Variants in POLH observed in about 807,000 individuals in gnomAD.
POLH encodes the protein DNA polymerase eta transcript.
In POLH, 53 loss-of-function variants were observed where a neutral mutation model predicts 73.6. The observed-to-expected ratio is 0.72, with a 90% CI of 0.58 to 0.91. POLH has a LOEUF of 0.91. POLH is among the 40% of genes least tolerant of loss of function. The probability of loss-of-function intolerance (pLI) is 0.00; values close to 1 mark genes in which losing one functional copy is unlikely to be tolerated. For synonymous variants in POLH, 292 were observed against 308.5 expected, an observed-to-expected ratio of 0.95 and a Z score of 0.56; for missense variants, 768 against 865.4, an observed-to-expected ratio of 0.89 and a Z score of 1.41.
In POLH at chr6:43,616,489, T is replaced by G. The variant is rs1768359780; in HGVS notation, c.*1932T>G. Among the ~76,000 whole-genome samples the G allele has an allele frequency of 6.6e-6, 1 of 150,612 alleles. No individual in the cohort carries two copies. The highest frequency in any genetic ancestry group is 2.5e-5 in the African/African-American group (1 of 40,784). On this transcript the variant is annotated 3_prime_UTR_variant, in exon 11 of 11. Coordinates refer to ENST00000372236, the MANE Select transcript of POLH (RefSeq NM_006502.3). The stretch of plus-strand genomic sequence containing the variant: ...CTGTAATCCCAGGTACTCGGGAGAC[T>G]GAGGCAGGAGAATTGCTTGAACCTG...
In POLH at chr6:43,618,211, A is replaced by C. The variant is rs1768472835; in HGVS notation, c.*3654A>C. Among the ~76,000 whole-genome samples the C allele has an allele frequency of 6.6e-6, 1 of 151,956 alleles. No homozygotes were observed. Among genetic ancestry groups the C allele is most frequent in the Non-Finnish European group, 1.5e-5 (1 of 67,996 alleles). On this transcript the variant is annotated 3_prime_UTR_variant, in exon 11 of 11. Coordinates refer to ENST00000372236, the MANE Select transcript of POLH (RefSeq NM_006502.3). ...TCGCTGTGTAGCCAGGCTGGAGTGC[A>C]GTGGTGCAATCTTGGCTCACTGCAA... is the stretch of plus-strand genomic sequence containing the variant.
chr6:43,591,515 C>T (rs758758871), intron 4 of POLH, among the ~76,000 whole-genome samples: 21 of 151,902 alleles, frequency 1.4e-4, no homozygotes, highest in Non-Finnish European at 2.1e-4. Flanking sequence ...GACGGGGTTT[C>T]GCCATGTTGG....
intron 9 of POLH, among the ~76,000 whole-genome samples, chr6:43,606,578 G>A (rs1185087909): frequency 2.0e-5 from 3 of 151,968 alleles, no homozygotes; most frequent in African/African-American, 7.2e-5. Flanking sequence ...ACAGGTACCT[G>A]CCACCATACC....
At position 43,582,358 on chromosome 6, in the gene POLH, C is replaced by T; in HGVS notation, c.39C>T (p.Asp13=). The part of the protein sequence containing the change: ...TGQDRVVALV[D]MDCFFVQVEQ... The stretch of plus-strand genomic sequence containing the variant: ...AGGATCGAGTGGTTGCTCTCGTGGA[C>T]ATGGACTGTTTTTTTGTTCAAGTGG... The change falls in exon 2 of 11, where the codon GAC becomes GAT. Residue 13 remains aspartate (D), a synonymous_variant. Coordinates refer to ENST00000372236, the MANE Select transcript of POLH (RefSeq NM_006502.3). The T allele has an allele frequency of 1.2e-6, 2 of 1,614,046 alleles. No individual in the cohort carries two copies. Among genetic ancestry groups the T allele is most frequent in the Middle Eastern group, 3.3e-4 (2 of 6,062 alleles).
chr6:43,609,335 A>G (rs1057399543), intron 9 of POLH, among the ~76,000 whole-genome samples: 17 of 152,356 alleles, frequency 1.1e-4, no homozygotes, highest in African/African-American at 4.1e-4. Context: ...ATTTTGGTCA[A>G]CAAGGACTCC....
intron 1 of POLH, among the ~76,000 whole-genome samples, chr6:43,576,842 T>G (rs1290835168): frequency 6.6e-6 from 1 of 152,136 alleles, no homozygotes; most frequent in Non-Finnish European, 1.5e-5. Flanking sequence ...GGGCAGAAAG[T>G]CTTCTTCATT....
At chr6:43,598,248 C>A (rs1380906394) in intron 5 of POLH, among the ~76,000 whole-genome samples, 1 of 149,964 alleles carries the variant, frequency 6.7e-6, no homozygotes, top group Non-Finnish European at 1.5e-5. Context: ...GAATGGATTT[C>A]TTTTAAAATT....
chr6:43,593,878 CAAAAAAAAAAAA>C (rs768129925), intron 4 of POLH, among the ~76,000 whole-genome samples: 2 of 85,186 alleles, frequency 2.3e-5, no homozygotes, highest in East Asian at 5.7e-4. Flanking sequence ...GACTCCGTCT[CAAAAAAAAAAAA>C]AAAAAAAAAG....
intron 5 of POLH, among the ~76,000 whole-genome samples, chr6:43,599,400 A>T (rs1338196275): frequency 6.6e-6 from 1 of 152,194 alleles, no homozygotes; most frequent in African/African-American, 2.4e-5. Flanking sequence ...ATACAATTTT[A>T]TTAATTTAGA....
At chr6:43,600,634 T>C (rs749304641) in intron 5 of POLH, among the ~76,000 whole-genome samples, 4 of 152,190 alleles carry the variant, frequency 2.6e-5, no homozygotes, top group Admixed American at 2.0e-4. Flanking sequence ...GGCATTTTTG[T>C]ATAGACATAC....
chr6:43,601,042 T>C lies in POLH; in HGVS notation c.715T>C (p.Ser239Pro), dbSNP rs751639745. The change falls in exon 6 of 11, where the codon TCA becomes CCA. Residue 239 changes from serine to proline, a missense_variant. Ser to Pro is a moderately conservative substitution (Grantham distance 74). Coordinates refer to ENST00000372236, the MANE Select transcript of POLH (RefSeq NM_006502.3). ...CAAGCCCAACCGCCAAACCCTGGTT[T>C]CACATGGGTCAGTCCCACAGCTCTT... is the stretch of plus-strand genomic sequence containing the variant. ...LNKPNRQTLV[S>P]HGSVPQLFSQ... 1 of 1,613,998 alleles carries C rather than the reference T, an allele frequency of 6.2e-7. No homozygotes were observed. Among genetic ancestry groups the C allele is most frequent in the African/African-American group, 1.3e-5 (1 of 74,904 alleles).
intron 9 of POLH, among the ~76,000 whole-genome samples, chr6:43,606,614 A>T (rs1767329978): frequency 1.3e-5 from 2 of 152,044 alleles, no homozygotes; most frequent in African/African-American, 4.8e-5. Flanking sequence ...TTTTTAGTAG[A>T]GACGGGGTTT....
intron 9 of POLH, among the ~76,000 whole-genome samples, chr6:43,605,936 C>T (rs1211395727): frequency 1.3e-5 from 2 of 152,010 alleles, no homozygotes; most frequent in African/African-American, 4.8e-5. Context: ...ATTGGCCAGG[C>T]TGGTCTTGAA....
intron 1 of POLH, chr6:43,578,370 A>T (rs868773876): frequency 2.3e-6 from 1 of 428,134 alleles, no homozygotes; most frequent in Admixed American, 2.8e-5. Context: ...CTGCGCAACG[A>T]GAACGAAACT....
rs913247299 is a variant in POLH, at chr6:43,619,104, C to T, written c.*4547C>T. On this transcript the variant is annotated 3_prime_UTR_variant, in exon 11 of 11. Coordinates refer to ENST00000372236, the MANE Select transcript of POLH (RefSeq NM_006502.3). ...ATAAAAGACAATATTTAGCCAGTCA[C>T]GGTGGCTGATGCTTGTAATCCTAAC... Among the ~76,000 whole-genome samples the T allele has an allele frequency of 1.1e-4, 16 of 151,924 alleles. No individual in the cohort carries two copies. The highest frequency in any genetic ancestry group is 3.9e-4 in the East Asian group (2 of 5,180).
intron 2 of POLH, 67 bp from the exon 3 acceptor site, chr6:43,582,940 A>T: frequency 7.4e-7 from 1 of 1,354,614 alleles, no homozygotes; most frequent in Non-Finnish European, 1.0e-6. Context: ...TACTTGTGTT[A>T]AATGTTACTT....
intron 5 of POLH, among the ~76,000 whole-genome samples, chr6:43,598,565 G>A (rs1329777259): frequency 6.6e-6 from 1 of 151,862 alleles, no homozygotes; most frequent in Non-Finnish European, 1.5e-5. Context: ...AACCTGGAAG[G>A]TGGAGGTTCC....
intron 3 of POLH, among the ~76,000 whole-genome samples, chr6:43,586,708 G>C (rs1446111262): frequency 1.3e-5 from 2 of 152,162 alleles, no homozygotes; most frequent in Non-Finnish European, 2.9e-5. Flanking sequence ...GTTAAGGCAT[G>C]TGTGTGTATG....
chr6:43,610,154 C>A (rs1430647201), intron 9 of POLH, among the ~76,000 whole-genome samples: 1 of 150,872 alleles, frequency 6.6e-6, no homozygotes, highest in African/African-American at 2.4e-5. Flanking sequence ...CTCTGCCTCC[C>A]AGGTTCAAGC....
Sources: allele counts gnomAD v4.1 joint callset (sites outside exome capture counted in the v4.1 genomes callset), GRCh38; gene constraint gnomAD v4.1.1; transcripts MANE v1.5; gene names NCBI Gene and HGNC (gene_info 2026-07-23, HGNC 2026-07-21).